The following GAS7 variants were observed in gnomAD, a reference collection of about 807,000 sequenced individuals.
GAS7 encodes the protein growth arrest specific 7.
Under a neutral mutation model 71.1 loss-of-function variants are expected in GAS7, and 28 were observed. That is an observed-to-expected ratio of 0.39 (90% CI 0.29 to 0.54). The LOEUF is 0.54. Ranked by LOEUF, GAS7 falls within the 20% of genes least tolerant of loss-of-function variation. The pLI, the probability that GAS7 is intolerant of heterozygous loss-of-function variation, is 0.62. For synonymous variants in GAS7, 258 were observed against 245.8 expected, an observed-to-expected ratio of 1.05 and a Z score of -0.46; for missense variants, 436 against 627.8, an observed-to-expected ratio of 0.69 and a Z score of 3.27.
At chr17:10,171,079 G>A (rs531996236) in intron 1 of GAS7, among the ~76,000 whole-genome samples, 32 of 152,306 alleles carry the variant, frequency 2.1e-4, no homozygotes, top group East Asian at 5.8e-4. Context: ...CACTTGAGCC[G>A]CAAAGAATCC....
At chr17:9,917,878 G>T in intron 13 of GAS7, 123 bp downstream of exon 13, 1 of 673,586 alleles carries the variant, frequency 1.5e-6, no homozygotes, top group South Asian at 1.8e-5. Flanking sequence ...CAGAGCACCT[G>T]CCCACTGCCC....
At chr17:10,084,240 A>G (rs1448884797) in intron 1 of GAS7, among the ~76,000 whole-genome samples, 1 of 152,134 alleles carries the variant, frequency 6.6e-6, no homozygotes, top group African/African-American at 2.4e-5. Context: ...TGGGGGCAGG[A>G]ATTTTTAGGG....
chr17:10,027,048 C>A (rs1488344173), intron 1 of GAS7: 2 of 152,118 alleles, frequency 1.3e-5, no homozygotes, highest in Admixed American at 1.3e-4. Flanking sequence ...ACAGGCTGGA[C>A]CCCGGCAGAG....
Position 9,915,107 on chromosome 17 carries a change from G to T in GAS7, c.*2121C>A, listed in dbSNP as rs150970920. The T allele has an allele frequency of 1.3e-5, 3 of 231,412 alleles. No individual in the cohort carries two copies. In the East Asian group the frequency reaches 1.8e-4, roughly 14 times the overall value. The allele number at this position is 231,412 out of a possible 1,614,324, so 14.3% of individuals were successfully genotyped here. ...GAGAAGGAGGTGAGGGGATGAGGGGGGAAAGAGTGACCTCCAAAAATGGAC... is the reference window on the plus strand; with the variant it reads ...GAGAAGGAGGTGAGGGGATGAGGGGTGAAAGAGTGACCTCCAAAAATGGAC... On this transcript the variant is annotated 3_prime_UTR_variant, in exon 14 of 14. Transcript: ENST00000432992.
At chr17:10,074,617 G>A (rs1192595372) in intron 1 of GAS7, among the ~76,000 whole-genome samples, 1 of 152,102 alleles carries the variant, frequency 6.6e-6, no homozygotes, top group African/African-American at 2.4e-5. Context: ...ACCTGAATAG[G>A]TCTATAACCT....
intron 1 of GAS7, among the ~76,000 whole-genome samples, chr17:10,070,173 C>T (rs1252628131): frequency 6.6e-6 from 1 of 151,738 alleles, no homozygotes; most frequent in Non-Finnish European, 1.5e-5. Flanking sequence ...TTCTATGCAC[C>T]CCACTCCTCT....
In GAS7 at chr17:10,016,752, AATAATAATAATAATAATAAT is replaced by A. The variant is rs1221117173; in HGVS notation, c.304+3005_304+3024del. On this transcript the variant is annotated intron_variant, in intron 2 of 13. Coordinates refer to ENST00000432992, the MANE Select transcript of GAS7 (RefSeq NM_201433.2). Reference sequence around the variant, plus strand: ...AACATGGCAAAACATCTCTACAAAAAATAATAATAATAATAATAATAATAATAATAATAATAATAATAATA... The same window carrying A: ...AACATGGCAAAACATCTCTACAAAAAAATAATAATAATAATAATAATAATA... Among the ~76,000 whole-genome samples the A allele has an allele frequency of 8.8e-4, 5 of 5,700 alleles. No individual in the cohort carries two copies. The African/African-American group carries it at 0.015, about 17-fold the overall frequency. The allele number at this position is 5,700 out of a possible 152,430, so 3.7% of individuals were successfully genotyped here.
chr17:9,940,084 C>T, intron 8 of GAS7, 42 bp downstream of exon 8: 2 of 1,071,214 alleles, frequency 1.9e-6, no homozygotes, highest in Non-Finnish European at 2.9e-6. Flanking sequence ...TCCTCAGTGA[C>T]CCCCCATCCT....
At chr17:10,093,299 T>TG (rs2073604143) in intron 1 of GAS7, among the ~76,000 whole-genome samples, 1 of 152,146 alleles carries the variant, frequency 6.6e-6, no homozygotes. Context: ...GAAAAGCAGC[T>TG]GGGCATGGTG....
At chr17:10,007,041 A>G (rs1047732100) in intron 2 of GAS7, among the ~76,000 whole-genome samples, 1 of 152,204 alleles carries the variant, frequency 6.6e-6, no homozygotes, top group Non-Finnish European at 1.5e-5. Context: ...TTAAATTTCT[A>G]TAAGAGGAAA....
chr17:10,146,844 C>T (rs1015567113), intron 1 of GAS7, among the ~76,000 whole-genome samples: 6 of 151,972 alleles, frequency 3.9e-5, no homozygotes, highest in Admixed American at 6.6e-5. Context: ...ATTAGCCGGG[C>T]GTGGTGGCGG....
chr17:10,172,517 T>TA (rs910930368), intron 1 of GAS7, among the ~76,000 whole-genome samples: 19 of 148,034 alleles, frequency 1.3e-4, no homozygotes, highest in African/African-American at 3.0e-4. Context: ...GGAAGCAGAT[T>TA]AAAAAAAAAG....
At chr17:10,099,246 G>A (rs763027135) in intron 1 of GAS7, among the ~76,000 whole-genome samples, 4 of 152,052 alleles carry the variant, frequency 2.6e-5, no homozygotes, top group African/African-American at 4.8e-5. Flanking sequence ...TTACCAAACA[G>A]CGCCTGTTCC....
At chr17:9,937,049 G>A (rs140914375) in intron 8 of GAS7, among the ~76,000 whole-genome samples, 19 of 152,356 alleles carry the variant, frequency 1.2e-4, no homozygotes, top group Admixed American at 3.9e-4. Context: ...CCAAAGCTGT[G>A]TGTAAATGTA....
At chr17:10,099,263 C>T (rs183309003) in intron 1 of GAS7, among the ~76,000 whole-genome samples, 1 of 152,154 alleles carries the variant, frequency 6.6e-6, no homozygotes, top group African/African-American at 2.4e-5. Flanking sequence ...TTCCACCAGC[C>T]CACTGCTAAG....
chr17:10,104,140 G>T (rs182122644), intron 1 of GAS7, among the ~76,000 whole-genome samples: 1 of 151,936 alleles, frequency 6.6e-6, no homozygotes, highest in Non-Finnish European at 1.5e-5. Context: ...TCACGGCTTC[G>T]AATCTTTTAC....
At chr17:10,030,899 C>T (rs1278001109) in intron 1 of GAS7, among the ~76,000 whole-genome samples, 4 of 152,298 alleles carry the variant, frequency 2.6e-5, no homozygotes, top group Admixed American at 6.5e-5. Context: ...AAAAGTGACT[C>T]GCTTGGGCTC....
chr17:10,038,944 A>C (rs1332797250), intron 1 of GAS7, among the ~76,000 whole-genome samples: 2 of 152,178 alleles, frequency 1.3e-5, no homozygotes, highest in African/African-American at 4.8e-5. Context: ...GCCAGACACA[A>C]AGGGACAAAT....
intron 1 of GAS7, among the ~76,000 whole-genome samples, chr17:10,081,725 G>T (rs1271123891): frequency 6.6e-6 from 1 of 152,180 alleles, no homozygotes; most frequent in Non-Finnish European, 1.5e-5. Flanking sequence ...TAAATCCAAG[G>T]TGTGGTATTT....
Sources: gnomAD v4.1 joint callset for allele counts (sites outside exome capture counted in the v4.1 genomes callset) on GRCh38, gnomAD v4.1.1 for gene constraint, MANE v1.5 for transcripts, NCBI Gene and HGNC (gene_info 2026-07-23, HGNC 2026-07-21) for gene names.